SOX5: variants seen among roughly 807,000 people sequenced by gnomAD.
The protein encoded by SOX5 is transcription factor SOX-5.
A neutral mutation model predicts 92.0 loss-of-function variants in SOX5; 9 were observed. The ratio of observed to expected loss-of-function variants is 0.10; its 90% CI spans 0.06 to 0.17. The LOEUF (loss-of-function observed/expected upper bound fraction) is 0.17. Ranked by LOEUF, SOX5 falls within the 10% of genes least tolerant of loss-of-function variation. The probability of loss-of-function intolerance (pLI) is 1.00; values close to 1 mark genes in which losing one functional copy is unlikely to be tolerated. For missense variants in SOX5, 642 were observed against 944.5 expected (o/e 0.68, Z 4.20); for synonymous variants, 344 against 336.3 (o/e 1.02, Z -0.25).
At chr12:23,923,293 A>AAATGAATGAATGAATGAATGAATG (rs142332141) in intron 1 of SOX5, among the ~76,000 whole-genome samples, 5 of 149,138 alleles carry the variant, frequency 3.4e-5, no homozygotes, top group East Asian at 2.0e-4. Context: ...ACCCAAAAAT[A>AAATGAATGAATGAATGAATGAATG]AATGAATGAA....
At chr12:24,284,887 C>T (rs58481879) in intron 2 of SOX5, among the ~76,000 whole-genome samples, 5,971 of 152,174 alleles carry the variant, frequency 0.039, 410 homozygotes, top group African/African-American at 0.14. Context: ...CACTTCGGGA[C>T]GCTCAGTCGG....
intron 5 of SOX5, among the ~76,000 whole-genome samples, chr12:23,735,654 C>A (rs573430988): frequency 6.6e-6 from 1 of 152,220 alleles, no homozygotes; most frequent in East Asian, 1.9e-4. Context: ...GCATCAGGTC[C>A]ATTTATTGAG....
intron 1 of SOX5, among the ~76,000 whole-genome samples, chr12:24,480,919 G>A (rs1328492270): frequency 6.6e-6 from 1 of 150,986 alleles, no homozygotes; most frequent in Non-Finnish European, 1.5e-5. Context: ...GTATCCAAAG[G>A]AAAGGAAATC....
At chr12:24,327,164 T>A (rs1950793479) in intron 2 of SOX5, among the ~76,000 whole-genome samples, 1 of 152,186 alleles carries the variant, frequency 6.6e-6, no homozygotes, top group South Asian at 2.1e-4. Flanking sequence ...TAATATTATA[T>A]GACTGCTCAG....
intron 2 of SOX5, among the ~76,000 whole-genome samples, chr12:24,304,552 GATAAAAAGGAGAGGCCTCTCCA>G (rs1347409020): frequency 6.6e-6 from 1 of 152,090 alleles, no homozygotes; most frequent in Non-Finnish European, 1.5e-5. Flanking sequence ...GCAGCTTTGG[GATAAAAAGGAGAGGCCTCTCCA>G]CAGCACTGGT....
intron 4 of SOX5, among the ~76,000 whole-genome samples, chr12:24,156,026 C>G (rs1264337573): frequency 1.3e-5 from 2 of 152,144 alleles, no homozygotes; most frequent in Non-Finnish European, 1.5e-5. Context: ...CACCCAACTC[C>G]CAGTGGCTAT....
At chr12:23,691,486 A>C (rs957824234) in intron 6 of SOX5, among the ~76,000 whole-genome samples, 1 of 152,172 alleles carries the variant, frequency 6.6e-6, no homozygotes, top group African/African-American at 2.4e-5. Flanking sequence ...TGATCTTTAG[A>C]AACTAAAATT....
At chr12:24,017,904 C>T (rs146881141) in intron 4 of SOX5, among the ~76,000 whole-genome samples, 80 of 152,256 alleles carry the variant, frequency 5.3e-4, no homozygotes, top group African/African-American at 1.8e-3. Flanking sequence ...AGGAAAGATG[C>T]GTTGTCAGGG....
intron 1 of SOX5, among the ~76,000 whole-genome samples, chr12:24,487,956 T>G (rs888357253): frequency 2.6e-5 from 4 of 152,208 alleles, no homozygotes; most frequent in African/African-American, 9.6e-5. Context: ...GGTAGAGTTC[T>G]CATCTCTCTT....
At chr12:23,628,637 G>C (rs1045378726) in intron 8 of SOX5, among the ~76,000 whole-genome samples, 1 of 151,850 alleles carries the variant, frequency 6.6e-6, no homozygotes, top group Non-Finnish European at 1.5e-5. Context: ...AGTTGGATAA[G>C]AAAAAGGAGT....
At chr12:23,967,471 TA>T (rs67372618) in intron 4 of SOX5, among the ~76,000 whole-genome samples, 79,625 of 151,718 alleles carry the variant, frequency 0.52, 21,271 homozygotes, top group East Asian at 0.62. Flanking sequence ...ATACAGACAA[TA>T]ATGCAATATA....
At chr12:24,100,348 C>A (rs1376746048) in intron 4 of SOX5, among the ~76,000 whole-genome samples, 1 of 152,142 alleles carries the variant, frequency 6.6e-6, no homozygotes, top group Non-Finnish European at 1.5e-5. Flanking sequence ...CACTCCCCAC[C>A]ATTGCATTGA....
intron 6 of SOX5, among the ~76,000 whole-genome samples, chr12:23,679,697 T>C (rs2086272018): frequency 6.6e-6 from 1 of 152,170 alleles, no homozygotes; most frequent in Non-Finnish European, 1.5e-5. Flanking sequence ...TAGAAACTTG[T>C]AGAATAACCC....
chr12:23,820,930 T>G (rs1168520931), intron 3 of SOX5, among the ~76,000 whole-genome samples: 1 of 152,168 alleles, frequency 6.6e-6, no homozygotes, highest in East Asian at 1.9e-4. Context: ...CCATATGAAA[T>G]TTGAAGTAGT....
intron 4 of SOX5, among the ~76,000 whole-genome samples, chr12:23,971,536 T>C (rs1948341483): frequency 6.7e-6 from 1 of 150,194 alleles, no homozygotes; most frequent in Admixed American, 6.6e-5. Context: ...TCAGAATATA[T>C]ATATATATAT....
chr12:23,866,839 A>G (rs1386551689), intron 2 of SOX5, among the ~76,000 whole-genome samples: 3 of 152,224 alleles, frequency 2.0e-5, no homozygotes, highest in South Asian at 2.1e-4. Context: ...ATTTCTTTCT[A>G]ATTTCCCTTT....
At chr12:23,896,731 AG>A (rs1765438384) in intron 1 of SOX5, among the ~76,000 whole-genome samples, 1 of 148,154 alleles carries the variant, frequency 6.7e-6, no homozygotes, top group African/African-American at 2.5e-5. Context: ...AAAAAAAAAA[AG>A]GTGAGAATAT....
chr12:24,179,738 C>T (rs1955255866), intron 4 of SOX5, among the ~76,000 whole-genome samples: 1 of 152,100 alleles, frequency 6.6e-6, no homozygotes, highest in Non-Finnish European at 1.5e-5. Flanking sequence ...GTAGGTGCGG[C>T]TAAGCTATGG....
At chr12:24,067,802 T>G (rs1452676962) in intron 4 of SOX5, among the ~76,000 whole-genome samples, 2 of 151,932 alleles carry the variant, frequency 1.3e-5, no homozygotes, top group Non-Finnish European at 2.9e-5. Flanking sequence ...AACAAGAAGG[T>G]GAAACTAAGA....
Sources: gnomAD v4.1 joint callset for allele counts (sites outside exome capture counted in the v4.1 genomes callset) on GRCh38, gnomAD v4.1.1 for gene constraint, MANE v1.5 for transcripts, NCBI Gene and HGNC (gene_info 2026-07-23, HGNC 2026-07-21) for gene names.